The following PRKAR1B variants were observed in gnomAD, a reference collection of about 807,000 sequenced individuals.
The protein encoded by PRKAR1B is cAMP-dependent protein kinase type I-beta regulatory subunit.
Under a neutral mutation model 46.5 loss-of-function variants are expected in PRKAR1B, and 22 were observed. That is an observed-to-expected ratio of 0.47 (90% CI 0.34 to 0.68). The LOEUF is 0.68. PRKAR1B is among the 30% of genes least tolerant of loss of function. The pLI, the probability that PRKAR1B is intolerant of heterozygous loss-of-function variation, is 0.01. For missense variants in PRKAR1B, 445 were observed against 535.6 expected, an observed-to-expected ratio of 0.83 and a Z score of 1.67; for synonymous variants, 259 against 217.7, an observed-to-expected ratio of 1.19 and a Z score of -1.67.
chr7:571,428 G>T (rs1464500063), intron 9 of PRKAR1B, among the ~76,000 whole-genome samples: 1 of 152,250 alleles, frequency 6.6e-6, no homozygotes, highest in East Asian at 1.9e-4. Context: ...GGCGTCGGCG[G>T]GGAGGAGGCG....
At chr7:587,935 G>A (rs1404261964) in intron 7 of PRKAR1B, among the ~76,000 whole-genome samples, 2 of 152,362 alleles carry the variant, frequency 1.3e-5, no homozygotes, top group East Asian at 3.9e-4. Flanking sequence ...GGGAGGAATG[G>A]CGCGCAAGTC....
At chr7:611,403 G>T (rs1207791854) in intron 4 of PRKAR1B, among the ~76,000 whole-genome samples, 1 of 152,240 alleles carries the variant, frequency 6.6e-6, no homozygotes, top group Non-Finnish European at 1.5e-5. Context: ...TTTGGGTCAG[G>T]GCTGGCCAGT....
chr7:723,299 T>A (rs950413824), intron 1 of PRKAR1B, among the ~76,000 whole-genome samples: 3 of 152,266 alleles, frequency 2.0e-5, no homozygotes, highest in African/African-American at 7.2e-5. Flanking sequence ...CTGTTGGGCG[T>A]CCCCTTTCCC....
chr7:697,870 C>T (rs1414976145), intron 2 of PRKAR1B, among the ~76,000 whole-genome samples: 1 of 123,032 alleles, frequency 8.1e-6, no homozygotes, highest in African/African-American at 3.1e-5. Context: ...CAAGGGAAGG[C>T]GAAGGAAAGG....
intron 9 of PRKAR1B, among the ~76,000 whole-genome samples, chr7:570,897 C>G (rs1779467887): frequency 6.6e-6 from 1 of 152,096 alleles, no homozygotes. Context: ...TCCCAGCACT[C>G]TCTGTGTCGG....
intron 4 of PRKAR1B, among the ~76,000 whole-genome samples, chr7:614,042 G>C (rs991947513): frequency 6.6e-6 from 1 of 152,222 alleles, no homozygotes; most frequent in Non-Finnish European, 1.5e-5. Flanking sequence ...AGCATGGAGG[G>C]CGGGAGGCGT....
chr7:684,409 C>A (rs893701739), intron 2 of PRKAR1B, among the ~76,000 whole-genome samples: 1 of 152,202 alleles, frequency 6.6e-6, no homozygotes, highest in Non-Finnish European at 1.5e-5. Context: ...TCTCGAATGA[C>A]AGCAAAATAA....
At chr7:561,093 C>T (rs576525841) in intron 9 of PRKAR1B, among the ~76,000 whole-genome samples, 13 of 152,040 alleles carry the variant, frequency 8.6e-5, no homozygotes, top group South Asian at 2.1e-4. Flanking sequence ...CACACTGGTA[C>T]GTGCATACAT....
intron 2 of PRKAR1B, among the ~76,000 whole-genome samples, chr7:708,259 A>T (rs1440077805): frequency 6.6e-6 from 1 of 152,094 alleles, no homozygotes; most frequent in Admixed American, 6.5e-5. Context: ...ACAGACCCAG[A>T]AGGAGCCATC....
chr7:727,367 C>T, upstream of PRKAR1B: 7 of 1,051,286 alleles, frequency 6.7e-6, no homozygotes, highest in Non-Finnish European at 7.2e-6. Flanking sequence ...CTCACCCCCA[C>T]CTCCACCTCC....
chr7:711,291 C>G (rs1178425212), intron 2 of PRKAR1B, 38 bp downstream of exon 2: 1 of 1,609,612 alleles, frequency 6.2e-7, no homozygotes. Context: ...CCCCAGGACA[C>G]GTGCGAAGGG....
rs986045834 is a variant in PRKAR1B at position 679,210 on chromosome 7, A to T, written c.348+1346T>A. Among the ~76,000 whole-genome samples, 3 of 152,254 alleles carry T rather than the reference A, an allele frequency of 2.0e-5. No homozygotes were observed. The South Asian group carries it at 6.2e-4, about 31-fold the overall frequency. On this transcript the variant is annotated intron_variant, in intron 3 of 10. Transcript: ENST00000537384. Reference sequence around the variant, plus strand: ...CTACCTTACATCCTATGATGCATTTATCACAACTGGGGAAGCCATGTCGAT... The same window carrying T: ...CTACCTTACATCCTATGATGCATTTTTCACAACTGGGGAAGCCATGTCGAT...
At chr7:573,676 G>T (rs1057383747) in intron 9 of PRKAR1B, among the ~76,000 whole-genome samples, 15 of 152,220 alleles carry the variant, frequency 9.9e-5, no homozygotes, top group Admixed American at 4.6e-4. Context: ...CCCACAGCCC[G>T]CAAAACACCC....
At chr7:592,282 C>T (rs1434818031) in intron 7 of PRKAR1B, among the ~76,000 whole-genome samples, 1 of 152,202 alleles carries the variant, frequency 6.6e-6, no homozygotes, top group East Asian at 1.9e-4. Context: ...AAGCCCCGGT[C>T]GAGGCTCGGG....
At chr7:682,413 C>T (rs1700303254) in intron 2 of PRKAR1B, among the ~76,000 whole-genome samples, 1 of 151,884 alleles carries the variant, frequency 6.6e-6, no homozygotes, top group South Asian at 2.1e-4. Context: ...CCCAGGAGTT[C>T]AAGACCAGCC....
At chr7:722,939 C>T (rs574117733) in intron 1 of PRKAR1B, among the ~76,000 whole-genome samples, 10 of 152,292 alleles carry the variant, frequency 6.6e-5, no homozygotes, top group African/African-American at 1.7e-4. Context: ...ACAGCAGTTT[C>T]GTCTTCAGAG....
At chr7:604,612 G>A (rs1363575596) in intron 6 of PRKAR1B, among the ~76,000 whole-genome samples, 2 of 152,222 alleles carry the variant, frequency 1.3e-5, no homozygotes, top group Non-Finnish European at 2.9e-5. Flanking sequence ...GTCATTTCCT[G>A]TGCTATCAGC....
intron 8 of PRKAR1B, among the ~76,000 whole-genome samples, chr7:583,441 GCA>G (rs1173283020): frequency 1.0e-4 from 13 of 124,836 alleles, no homozygotes; most frequent in African/African-American, 2.6e-4. Flanking sequence ...CACCCACAGT[GCA>G]CACTCACACC....
At chr7:670,723 G>A (rs942726435) in intron 4 of PRKAR1B, among the ~76,000 whole-genome samples, 3 of 151,324 alleles carry the variant, frequency 2.0e-5, no homozygotes, top group African/African-American at 7.3e-5. Flanking sequence ...TCCAGCAGAG[G>A]GACTCAGGAC....
Sources: allele counts gnomAD v4.1 joint callset (sites outside exome capture counted in the v4.1 genomes callset), GRCh38; gene constraint gnomAD v4.1.1; transcripts MANE v1.5; gene names NCBI Gene and HGNC (gene_info 2026-07-23, HGNC 2026-07-21).